Variants in FRY observed in about 807,000 individuals in gnomAD.
The protein encoded by FRY is FRY microtubule binding protein, also known as protein furry homolog.
In FRY, 128 loss-of-function variants were observed where a neutral mutation model predicts 348.4. That is an observed-to-expected ratio of 0.37 (90% CI 0.32 to 0.43). The LOEUF is 0.43. Among genes scored for constraint, FRY ranks in the 20% least tolerant of loss-of-function variants. The probability of loss-of-function intolerance (pLI) is 1.00; values close to 1 mark genes in which losing one functional copy is unlikely to be tolerated. For synonymous variants in FRY, 1,370 were observed against 1,374.7 expected, an observed-to-expected ratio of 1.00 and a Z score of 0.08; for missense variants, 2,736 against 3,695.2, an observed-to-expected ratio of 0.74 and a Z score of 6.73.
At chr13:32,202,555 A>G (rs577208499) in intron 31 of FRY, 28 bp downstream of exon 31, 178 of 1,530,906 alleles carry the variant, frequency 1.2e-4, no homozygotes, top group Middle Eastern at 1.7e-4. Context: ...ATAATGACAT[A>G]TGTGATCATT....
chr13:32,056,008 T>C (rs1873602902), intron 1 of FRY, among the ~76,000 whole-genome samples: 1 of 151,956 alleles, frequency 6.6e-6, no homozygotes, highest in Admixed American at 6.6e-5. Flanking sequence ...CTGGCCAATA[T>C]GGTGAAACTC....
chr13:32,095,720 A>G (rs922033880), intron 2 of FRY, among the ~76,000 whole-genome samples: 1 of 152,060 alleles, frequency 6.6e-6, no homozygotes, highest in South Asian at 2.1e-4. Flanking sequence ...GTGGGGTACT[A>G]CTCAAGAAAA....
intron 31 of FRY, among the ~76,000 whole-genome samples, chr13:32,207,087 C>A (rs1244915566): frequency 6.6e-6 from 1 of 152,154 alleles, no homozygotes; most frequent in East Asian, 1.9e-4. Flanking sequence ...CATCCCTACC[C>A]TCTTGGTGCT....
At chr13:32,106,300 G>A (rs1374074618) in intron 3 of FRY, among the ~76,000 whole-genome samples, 8 of 151,688 alleles carry the variant, frequency 5.3e-5, no homozygotes, top group Admixed American at 5.3e-4. Context: ...AAAACCTGAA[G>A]GAGCCAAGAC....
chr13:32,041,015 A>T (rs1452929833), intron 1 of FRY, among the ~76,000 whole-genome samples: 1 of 152,240 alleles, frequency 6.6e-6, no homozygotes, highest in Non-Finnish European at 1.5e-5. Flanking sequence ...AAGAATTTTA[A>T]AACGAAAAAG....
rs1880625625 is a variant in FRY, at chr13:32,148,902, G to T, written c.1393-846G>T. ...TGTACTTAGGGAAAGGACATTACCT[G>T]CTCTGCAGGTGAAAGAATTAATGTA... On this transcript the variant is annotated intron_variant, in intron 13 of 60. Transcript: ENST00000542859. Among the ~76,000 whole-genome samples, 7 of 152,000 alleles carry T rather than the reference G, an allele frequency of 4.6e-5. No homozygotes were observed. In the South Asian group the frequency reaches 1.4e-3, roughly 31 times the overall value.
intron 29 of FRY, among the ~76,000 whole-genome samples, chr13:32,197,587 T>C (rs1263178952): frequency 1.3e-5 from 2 of 152,162 alleles, no homozygotes; most frequent in African/African-American, 4.8e-5. Context: ...ACTAGTAAAA[T>C]AGGGCTGATG....
At chr13:32,186,574 C>T (rs774926504) in intron 27 of FRY, among the ~76,000 whole-genome samples, 154 bp downstream of exon 27, 23 of 152,070 alleles carry the variant, frequency 1.5e-4, no homozygotes, top group African/African-American at 2.2e-4. Flanking sequence ...TGGACACACA[C>T]GTACATAGCT....
chr13:32,098,232 G>A (rs1430897462), intron 2 of FRY, among the ~76,000 whole-genome samples: 1 of 152,000 alleles, frequency 6.6e-6, no homozygotes, highest in African/African-American at 2.4e-5. Context: ...AACATTTTCT[G>A]TTCAAAGTAT....
At chr13:32,101,913 A>C (rs745914700) in intron 2 of FRY, 50 bp from the exon 3 acceptor site, 1 of 1,011,584 alleles carries the variant, frequency 9.9e-7, no homozygotes, top group South Asian at 1.3e-5. Context: ...CTTTTATACT[A>C]TTTAAGAGAC....
chr13:32,057,914 C>T lies in FRY; in HGVS notation c.71-20920C>T, dbSNP rs916897519. 2.6e-5 allele frequency among the ~76,000 whole-genome samples: 4 copies of T among 152,000 alleles called. No homozygotes were observed. In the South Asian group the frequency reaches 8.3e-4, roughly 31 times the overall value. On this transcript the variant is annotated intron_variant, in intron 1 of 60. Transcript: ENST00000542859. The stretch of plus-strand genomic sequence containing the variant: ...GGCGGAGCTTGCAGTGAGCCAAGAT[C>T]GCGCCACTATACTCCAGCCTGGGCA...
intron 2 of FRY, among the ~76,000 whole-genome samples, chr13:32,100,778 C>A (rs28648035): frequency 6.6e-6 from 1 of 152,142 alleles, no homozygotes; most frequent in Admixed American, 6.5e-5. Context: ...GATCAAAGCA[C>A]GGGGATATTT....
intron 12 of FRY, 85 bp downstream of exon 12, chr13:32,147,470 A>T: frequency 1.3e-6 from 1 of 779,660 alleles, no homozygotes; most frequent in South Asian, 1.4e-5. Flanking sequence ...TGCTAACTCA[A>T]CTAGAAGCTA....
Position 32,274,799 on chromosome 13 carries a change from G to T in FRY, c.8137-43G>T, listed in dbSNP as rs574263573. ...CCAAAATATGTTTTATCATATATAA[G>T]TTTAACTTGACCTTTACAAATGGTC... On this transcript the variant is annotated intron_variant, in intron 55 of 60. Transcript: ENST00000542859. The T allele has an allele frequency of 6.0e-5, 90 of 1,497,602 alleles. 1 individual carries two copies. In the South Asian group the frequency reaches 9.2e-4, roughly 15 times the overall value. The allele number at this position is 1,497,602 out of a possible 1,614,324, so 92.8% of individuals were successfully genotyped here.
chr13:32,217,409 TC>T (rs1885058024), intron 35 of FRY, among the ~76,000 whole-genome samples: 2 of 152,154 alleles, frequency 1.3e-5, no homozygotes, highest in Admixed American at 1.3e-4. Context: ...TTTCTAGAAA[TC>T]CTAGATAGAA....
intron 15 of FRY, 129 bp from the exon 16 acceptor site, chr13:32,157,140 TCAGA>T (rs1283215291): frequency 1.3e-6 from 1 of 775,026 alleles, no homozygotes; most frequent in African/African-American, 1.7e-5. Flanking sequence ...TGAGATTGAA[TCAGA>T]CAGCCCTTTT....
rs887897047 is a variant in FRY, at chr13:32,116,633, A to T, written c.325-701A>T. On this transcript the variant is annotated intron_variant, in intron 3 of 60. Coordinates refer to ENST00000542859, the MANE Select transcript of FRY (RefSeq NM_023037.3). ...TAAATTTATGAGGCATTTTGTGGAA[A>T]CTTTTGCATAGAGTAATGAGATATG... Among the ~76,000 whole-genome samples the T allele has an allele frequency of 2.6e-5, 4 of 152,146 alleles. No individual in the cohort carries two copies. The East Asian group carries it at 7.7e-4, about 29-fold the overall frequency.
chr13:32,031,916 T>C, intron 1 of FRY, 51 bp downstream of exon 1: 1 of 1,040,382 alleles, frequency 9.6e-7, no homozygotes, highest in Middle Eastern at 2.9e-4. Context: ...GGATGTTGCA[T>C]AAGGCTGGAG....
chr13:32,133,065 T>C (rs1050683334), intron 8 of FRY, among the ~76,000 whole-genome samples: 54 of 152,304 alleles, frequency 3.5e-4, no homozygotes, highest in African/African-American at 1.3e-3. Flanking sequence ...TGCAGATGGC[T>C]GCTGAGGGGT....
Sources: allele counts gnomAD v4.1 joint callset (sites outside exome capture counted in the v4.1 genomes callset), GRCh38; gene constraint gnomAD v4.1.1; transcripts MANE v1.5; gene names NCBI Gene and HGNC (gene_info 2026-07-23, HGNC 2026-07-21).